TENM3: variants seen among roughly 807,000 people sequenced by gnomAD.
TENM3 encodes teneurin-3.
TENM3 carries 63 observed loss-of-function variants against 255.1 expected under a neutral mutation model. The ratio of observed to expected loss-of-function variants is 0.25; its 90% CI spans 0.20 to 0.30. The LOEUF is 0.30. TENM3 is among the 10% of genes least tolerant of loss of function. The pLI is 1.00. For synonymous variants in TENM3, 1,306 were observed against 1,322.3 expected (o/e 0.99, Z 0.27); for missense variants, 2,929 against 3,461.1 (o/e 0.85, Z 3.86).
chr4:181,491,304 GA>G, the TENM3 span, among the ~76,000 whole-genome samples: 2 of 151,782 alleles, frequency 1.3e-5, no homozygotes, highest in South Asian at 2.1e-4. Flanking sequence ...TATTCACTAT[GA>G]AAAAAATGAA....
chr4:181,707,802 C>T, the TENM3 span, among the ~76,000 whole-genome samples: 43 of 152,066 alleles, frequency 2.8e-4, no homozygotes, highest in Admixed American at 1.4e-3. Flanking sequence ...CTAAATGCTA[C>T]GTTAAGTACA....
the TENM3 span, among the ~76,000 whole-genome samples, chr4:181,587,678 C>A: frequency 6.6e-6 from 1 of 152,298 alleles, no homozygotes; most frequent in East Asian, 1.9e-4. Flanking sequence ...CTACTGCCCT[C>A]AAATACTAAG....
intron 2 of TENM3, among the ~76,000 whole-genome samples, chr4:182,325,534 G>T (rs1763335642): frequency 6.6e-6 from 1 of 152,062 alleles, no homozygotes; most frequent in South Asian, 2.1e-4. Flanking sequence ...ACATATTTGA[G>T]GTATGTACTC....
chr4:182,291,614 G>A (rs1229862277), intron 1 of TENM3, among the ~76,000 whole-genome samples: 5 of 152,132 alleles, frequency 3.3e-5, no homozygotes, highest in African/African-American at 1.2e-4. Context: ...AGCAGCCTCA[G>A]AGACGTTATG....
the TENM3 span, among the ~76,000 whole-genome samples, chr4:181,704,694 A>T: frequency 6.6e-6 from 1 of 152,012 alleles, no homozygotes; most frequent in Non-Finnish European, 1.5e-5. Flanking sequence ...CTTTCTGCAT[A>T]TTCCTACATT....
At chr4:181,514,483 A>AT in the TENM3 span, among the ~76,000 whole-genome samples, 1 of 152,162 alleles carries the variant, frequency 6.6e-6, no homozygotes, top group East Asian at 1.9e-4. Flanking sequence ...AGATAATTAC[A>AT]TTTTTCCCTT....
chr4:182,227,740 C>T (rs917882601), intron 1 of TENM3, among the ~76,000 whole-genome samples: 3 of 151,330 alleles, frequency 2.0e-5, no homozygotes, highest in Admixed American at 1.3e-4. Flanking sequence ...ATCCAAACCA[C>T]TCCTGTCCCA....
At chr4:182,149,294 A>G (rs915999699) in intron 1 of TENM3, among the ~76,000 whole-genome samples, 4 of 152,034 alleles carry the variant, frequency 2.6e-5, no homozygotes, top group Admixed American at 2.0e-4. Flanking sequence ...CAAAATGCAG[A>G]AACATGCCCT....
At chr4:182,249,624 C>G (rs1173030889) in intron 1 of TENM3, among the ~76,000 whole-genome samples, 1 of 152,088 alleles carries the variant, frequency 6.6e-6, no homozygotes, top group African/African-American at 2.4e-5. Context: ...AAATGTACGT[C>G]CCCCCACAGT....
intron 3 of TENM3, among the ~76,000 whole-genome samples, chr4:182,457,550 A>G (rs1238524816): frequency 9.0e-6 from 1 of 111,588 alleles, no homozygotes; most frequent in Non-Finnish European, 1.9e-5. Flanking sequence ...TACCTAAATC[A>G]TGTATATCTT....
At chr4:182,454,703 T>G (rs1773731962) in intron 3 of TENM3, among the ~76,000 whole-genome samples, 1 of 152,252 alleles carries the variant, frequency 6.6e-6, no homozygotes, top group African/African-American at 2.4e-5. Flanking sequence ...ATAGTTTATA[T>G]TTCTTAACTT....
the TENM3 span, among the ~76,000 whole-genome samples, chr4:181,605,526 GA>G: frequency 2.1e-4 from 4 of 18,974 alleles, no homozygotes; most frequent in South Asian, 1.0e-2. Flanking sequence ...AAGAAAGAAA[GA>G]AAGAAAGAAA....
chr4:181,748,389 T>C, the TENM3 span, among the ~76,000 whole-genome samples: 1 of 152,080 alleles, frequency 6.6e-6, no homozygotes, highest in East Asian at 1.9e-4. Context: ...TACACACACC[T>C]ATACATAGTC....
At chr4:181,752,608 A>G in the TENM3 span, among the ~76,000 whole-genome samples, 1 of 152,142 alleles carries the variant, frequency 6.6e-6, no homozygotes, top group Non-Finnish European at 1.5e-5. Flanking sequence ...GGAAAGTAGT[A>G]TTTATTATCT....
intron 2 of TENM3, among the ~76,000 whole-genome samples, chr4:182,333,640 A>G (rs1000272018): frequency 1.1e-4 from 17 of 152,222 alleles, no homozygotes; most frequent in African/African-American, 3.6e-4. Flanking sequence ...CTGAGATTCT[A>G]GGACATTTCA....
At chr4:181,788,180 A>T in the TENM3 span, among the ~76,000 whole-genome samples, 2 of 152,200 alleles carry the variant, frequency 1.3e-5, no homozygotes, top group East Asian at 1.9e-4. Context: ...CTAACTGGGG[A>T]GCTGCTTAGA....
the TENM3 span, among the ~76,000 whole-genome samples, chr4:181,779,117 C>T: frequency 1.3e-5 from 2 of 151,920 alleles, no homozygotes; most frequent in Non-Finnish European, 2.9e-5. Context: ...GATGGGCCAT[C>T]TGGGGAGAGG....
chr4:182,721,833 G>C (rs1007700649), intron 13 of TENM3, among the ~76,000 whole-genome samples: 1 of 152,056 alleles, frequency 6.6e-6, no homozygotes, highest in African/African-American at 2.4e-5. Flanking sequence ...TTACTAGTTA[G>C]ATTGATGATC....
At chr4:181,811,235 C>A in the TENM3 span, among the ~76,000 whole-genome samples, 1 of 152,146 alleles carries the variant, frequency 6.6e-6, no homozygotes, top group Non-Finnish European at 1.5e-5. Context: ...GAATTGAATA[C>A]CTCTCTTCCC....
Sources: allele counts gnomAD v4.1 joint callset (sites outside exome capture counted in the v4.1 genomes callset), GRCh38; gene constraint gnomAD v4.1.1; transcripts MANE v1.5; gene names NCBI Gene and HGNC (gene_info 2026-07-23, HGNC 2026-07-21).